Variants in JPH3 observed in about 807,000 individuals in gnomAD.
JPH3 encodes the protein junctophilin-3.
Under a neutral mutation model 59.6 loss-of-function variants are expected in JPH3, and 11 were observed. The observed-to-expected ratio is 0.18, with a 90% CI of 0.12 to 0.31. JPH3 has a LOEUF of 0.31. JPH3 is among the 10% of genes least tolerant of loss of function. JPH3 has a pLI of 1.00. For synonymous variants in JPH3, 673 were observed against 483.6 expected (o/e 1.39, Z -5.14); for missense variants, 1,202 against 1,105.7 (o/e 1.09, Z -1.24).
At chr16:87,620,209 A>T (rs751042943) in intron 1 of JPH3, among the ~76,000 whole-genome samples, 2 of 151,902 alleles carry the variant, frequency 1.3e-5, no homozygotes, top group African/African-American at 4.8e-5. Context: ...CTGGGTGGCT[A>T]TGTCCACACT....
chr16:87,639,646 G>A (rs1214668512), intron 1 of JPH3, among the ~76,000 whole-genome samples: 1 of 148,746 alleles, frequency 6.7e-6, no homozygotes, highest in Non-Finnish European at 1.5e-5. Flanking sequence ...CCTCCCGCCT[G>A]TCCTCCCGCC....
intron 2 of JPH3, chr16:87,654,495 C>G (rs2032427824): frequency 6.6e-6 from 1 of 152,254 alleles, no homozygotes; most frequent in Non-Finnish European, 1.5e-5. Context: ...TCAGACCAGC[C>G]TGTGCCTGTG....
intron 2 of JPH3, among the ~76,000 whole-genome samples, chr16:87,649,456 C>T (rs546108050): frequency 1.3e-5 from 2 of 152,334 alleles, no homozygotes; most frequent in Non-Finnish European, 2.9e-5. Context: ...TCCTCGAAGC[C>T]CGGGTTGCTC....
chr16:87,603,734 T>TTTC (rs2030361565), intron 1 of JPH3, among the ~76,000 whole-genome samples: 1 of 152,170 alleles, frequency 6.6e-6, no homozygotes. Flanking sequence ...CTGTGCCAGC[T>TTTC]GAAGGGTGTT....
At chr16:87,682,172 G>A (rs897202241) in intron 2 of JPH3, among the ~76,000 whole-genome samples, 2 of 152,148 alleles carry the variant, frequency 1.3e-5, no homozygotes, top group Non-Finnish European at 2.9e-5. Context: ...CTGGACACGT[G>A]TTCTTGGCTG....
intron 2 of JPH3, among the ~76,000 whole-genome samples, chr16:87,655,598 C>T (rs1350531383): frequency 3.3e-5 from 5 of 152,260 alleles, no homozygotes; most frequent in South Asian, 4.1e-4. Context: ...AAAAATTCTC[C>T]TGCCTCAGCC....
chr16:87,616,152 A>G (rs2030947846), intron 1 of JPH3, among the ~76,000 whole-genome samples: 1 of 148,872 alleles, frequency 6.7e-6, no homozygotes, highest in African/African-American at 2.5e-5. Flanking sequence ...CGGGAACGAC[A>G]TTGTCTGATT....
rs372386767 is a variant in JPH3, at chr16:87,644,834, G to A, written c.959G>A (p.Arg320His). Residue 320 changes from arginine (R) to histidine (H), a missense_variant, in exon 2 of 5, where the codon CGC (arginine) becomes CAC (histidine). Physicochemically the swap from Arg to His is conservative, Grantham distance 29 (BLOSUM62 0). Coordinates refer to ENST00000284262, the MANE Select transcript of JPH3 (RefSeq NM_020655.4). ...KYEGEWASNR[R>H]HGYGCMTFPD... ...GAGGGCGAGTGGGCCAGCAACCGGC[G>A]CCATGGCTACGGCTGCATGACCTTC... 25 of 1,613,322 alleles carry A rather than the reference G, an allele frequency of 1.5e-5. No individual in the cohort carries two copies. The East Asian group carries it at 2.0e-4, about 13-fold the overall frequency.
chr16:87,662,259 CTGGGGAGG>C (rs1356515134), intron 2 of JPH3, among the ~76,000 whole-genome samples: 1 of 152,148 alleles, frequency 6.6e-6, no homozygotes, highest in Non-Finnish European at 1.5e-5. Context: ...GCCCCTCTGC[CTGGGGAGG>C]TGAGTGTGAG....
At chr16:87,619,007 G>C (rs992041797) in intron 1 of JPH3, among the ~76,000 whole-genome samples, 3 of 151,542 alleles carry the variant, frequency 2.0e-5, no homozygotes, top group Admixed American at 1.3e-4. Flanking sequence ...AGAATCACTC[G>C]AACCTGGGAG....
intron 1 of JPH3, among the ~76,000 whole-genome samples, chr16:87,632,581 C>T (rs1175658334): frequency 1.3e-5 from 2 of 152,148 alleles, no homozygotes; most frequent in Non-Finnish European, 2.9e-5. Context: ...AGGTGTGCAC[C>T]ACTAAACACA....
intron 3 of JPH3, chr16:87,684,513 C>A: frequency 3.8e-6 from 2 of 519,568 alleles, no homozygotes; most frequent in Non-Finnish European, 6.8e-6. Context: ...CTTGGGGCAC[C>A]GCGTGTTGCT....
At chr16:87,670,655 G>C (rs1356265518) in intron 2 of JPH3, among the ~76,000 whole-genome samples, 1 of 152,268 alleles carries the variant, frequency 6.6e-6, no homozygotes, top group Non-Finnish European at 1.5e-5. Context: ...GGGACGCAGG[G>C]TACCGCACAG....
chr16:87,641,908 C>G (rs1038603351), intron 1 of JPH3, among the ~76,000 whole-genome samples: 3 of 152,356 alleles, frequency 2.0e-5, no homozygotes, highest in African/African-American at 7.2e-5. Flanking sequence ...AGCCACTGTC[C>G]TGAGTCTGGA....
chr16:87,628,033 A>AGG (rs1391695854), intron 1 of JPH3, among the ~76,000 whole-genome samples: 1 of 152,216 alleles, frequency 6.6e-6, no homozygotes, highest in African/African-American at 2.4e-5. Context: ...CAGGACTGGG[A>AGG]GGGACACCCT....
At position 87,644,587 on chromosome 16, in the gene JPH3, C is replaced by T. The variant is rs202199160; in HGVS notation, c.712C>T (p.Arg238Cys). Reference protein sequence around the residue: ...SESKSSLASQRSKQSSFRSEA... With the variant: ...SESKSSLASQCSKQSSFRSEA... ...GTCCAAGAGCAGCCTGGCCAGCCAA[C>T]GCAGCAAGCAGAGCTCCTTTCGCAG... Residue 238 changes from arginine (R) to cysteine (C), a missense_variant, in exon 2 of 5, where the codon CGC (arginine) becomes TGC (cysteine). By Grantham distance (180) the Arg-to-Cys change is radical. Transcript: ENST00000284262. 2.8e-4 allele frequency: 453 copies of T among 1,612,816 alleles called. No individual in the cohort carries two copies. The highest frequency in any genetic ancestry group is 3.7e-4 in the Non-Finnish European group (433 of 1,179,858).
chr16:87,684,427 G>C (rs1356704339), intron 3 of JPH3, 161 bp downstream of exon 3: 26 of 1,235,766 alleles, frequency 2.1e-5, no homozygotes, highest in Non-Finnish European at 2.9e-5. Flanking sequence ...GAAGGTGCTT[G>C]TTTGTGCCAA....
chr16:87,655,899 C>T (rs563821525), intron 2 of JPH3, among the ~76,000 whole-genome samples: 62 of 152,340 alleles, frequency 4.1e-4, no homozygotes, highest in African/African-American at 1.4e-3. Flanking sequence ...AGGGGTCTCA[C>T]TTGCCACTCT....
chr16:87,645,074 C>G, intron 2 of JPH3, 39 bp downstream of exon 2: 1 of 1,565,868 alleles, frequency 6.4e-7, no homozygotes, highest in Non-Finnish European at 8.6e-7. Flanking sequence ...TCTTGGTGCC[C>G]AGAAGGTGTT....
Sources: allele counts gnomAD v4.1 joint callset (sites outside exome capture counted in the v4.1 genomes callset), GRCh38; gene constraint gnomAD v4.1.1; transcripts MANE v1.5; gene names NCBI Gene and HGNC (gene_info 2026-07-23, HGNC 2026-07-21).